Variants in ADARB2 observed in about 807,000 individuals in gnomAD.
ADARB2 encodes adenosine deaminase RNA specific B2 (inactive), also known as inactive double-stranded RNA-specific editase B2.
ADARB2 carries 25 observed loss-of-function variants against 62.2 expected under a neutral mutation model. The observed-to-expected ratio is 0.40, with a 90% CI of 0.29 to 0.56. The LOEUF (loss-of-function observed/expected upper bound fraction) is 0.56. Ranked by LOEUF, ADARB2 falls within the 20% of genes least tolerant of loss-of-function variation. The probability of loss-of-function intolerance (pLI) is 0.43; values close to 1 mark genes in which losing one functional copy is unlikely to be tolerated. For missense variants in ADARB2, 1,071 were observed against 1,077.4 expected (o/e 0.99, Z 0.08); for synonymous variants, 572 against 500.8 (o/e 1.14, Z -1.90).
chr10:1,563,794 C>A (rs1309144098), intron 1 of ADARB2, among the ~76,000 whole-genome samples: 1 of 119,330 alleles, frequency 8.4e-6, no homozygotes, highest in Non-Finnish European at 1.7e-5. Flanking sequence ...CCCCACCCCA[C>A]AACAGTCCTC....
At chr10:1,220,147 GTGATGA>G (rs539102967) in intron 6 of ADARB2, among the ~76,000 whole-genome samples, 1 of 137,158 alleles carries the variant, frequency 7.3e-6, no homozygotes, top group African/African-American at 2.8e-5. Flanking sequence ...GATGGCAATG[GTGATGA>G]TGGTGATGGT....
chr10:1,699,616 C>A (rs1834797338), intron 1 of ADARB2, among the ~76,000 whole-genome samples: 2 of 134,906 alleles, frequency 1.5e-5, no homozygotes, highest in East Asian at 2.3e-4. Flanking sequence ...AGGCGCTCGC[C>A]AATACACTCA....
At chr10:1,282,983 A>G (rs1831383082) in intron 3 of ADARB2, among the ~76,000 whole-genome samples, 1 of 152,190 alleles carries the variant, frequency 6.6e-6, no homozygotes, top group Non-Finnish European at 1.5e-5. Flanking sequence ...CAGAAGCTCT[A>G]CAGAGGCTCC....
intron 1 of ADARB2, among the ~76,000 whole-genome samples, chr10:1,385,045 G>A (rs770381462): frequency 3.3e-5 from 5 of 152,164 alleles, no homozygotes; most frequent in African/African-American, 7.2e-5. Context: ...AAGAACTGCC[G>A]TGAACATGCG....
intron 1 of ADARB2, among the ~76,000 whole-genome samples, chr10:1,484,072 T>A (rs1311929788): frequency 6.6e-6 from 1 of 152,236 alleles, no homozygotes; most frequent in Non-Finnish European, 1.5e-5. Flanking sequence ...TTGTTCTTGA[T>A]GTGACGTCTT....
chr10:1,327,390 C>T (rs1831875350), intron 3 of ADARB2, among the ~76,000 whole-genome samples: 1 of 79,064 alleles, frequency 1.3e-5, no homozygotes, highest in Non-Finnish European at 2.7e-5. Context: ...ACAGCGCCTC[C>T]CCACTGCACA....
chr10:1,630,152 G>C (rs745524650), intron 1 of ADARB2, among the ~76,000 whole-genome samples: 3 of 152,182 alleles, frequency 2.0e-5, no homozygotes, highest in Non-Finnish European at 4.4e-5. Flanking sequence ...AGAAATAGGA[G>C]ATAATTATTT....
chr10:1,603,111 C>T (rs1833446417), intron 1 of ADARB2, among the ~76,000 whole-genome samples: 1 of 148,616 alleles, frequency 6.7e-6, no homozygotes, highest in Admixed American at 6.7e-5. Flanking sequence ...ACACACACAC[C>T]TATACACACA....
At chr10:1,242,995 G>A (rs1318997817) in intron 4 of ADARB2, among the ~76,000 whole-genome samples, 4 of 152,222 alleles carry the variant, frequency 2.6e-5, no homozygotes, top group Non-Finnish European at 5.9e-5. Flanking sequence ...ACAAGCCAAT[G>A]TTTGCTGTGC....
chr10:1,619,301 AAAAAAAAG>A (rs375769712), intron 1 of ADARB2, among the ~76,000 whole-genome samples: 16,145 of 145,806 alleles, frequency 0.11, 797 homozygotes, highest in East Asian at 0.17. Flanking sequence ...AAAAAAAAAA[AAAAAAAAG>A]AAAAAATACG....
chr10:1,179,343 A>AAGTC lies in ADARB2; in HGVS notation c.*3846_*3849dup, dbSNP rs1443000356. 1 of 152,274 alleles carries AAGTC rather than the reference A, an allele frequency of 6.6e-6. No individual in the cohort carries two copies. Among genetic ancestry groups the AAGTC allele is most frequent in the Admixed American group, 6.5e-5 (1 of 15,286 alleles). The allele number at this position is 152,274 out of a possible 1,614,324, so 9.4% of individuals were successfully genotyped here. A position where few individuals can be genotyped will look rare whatever the true frequency, so the allele number is the denominator to read the frequency against. On this transcript the variant is annotated 3_prime_UTR_variant, in exon 10 of 10. Transcript: ENST00000381312. The stretch of plus-strand genomic sequence containing the variant: ...TTTCTGAGGAACAGGACTCATCACA[A>AAGTC]AGTCAGCATGGTGTGATAGATATAT...
intron 1 of ADARB2, among the ~76,000 whole-genome samples, chr10:1,569,854 G>T (rs1832911906): frequency 6.6e-6 from 1 of 152,012 alleles, no homozygotes; most frequent in Non-Finnish European, 1.5e-5. Flanking sequence ...GGCAGCATTT[G>T]GCACTGCTTG....
At chr10:1,262,019 A>G (rs2131791293) in intron 4 of ADARB2, among the ~76,000 whole-genome samples, 1 of 148,222 alleles carries the variant, frequency 6.7e-6, no homozygotes, top group Non-Finnish European at 1.5e-5. Context: ...GGAAATCATC[A>G]TTCTCAGTAA....
intron 3 of ADARB2, among the ~76,000 whole-genome samples, chr10:1,345,539 C>T (rs1832073238): frequency 6.6e-6 from 1 of 152,116 alleles, no homozygotes; most frequent in South Asian, 2.1e-4. Flanking sequence ...TCCTCCTGCC[C>T]TTGGGAACTG....
chr10:1,609,400 A>C lies in ADARB2; in HGVS notation c.100+127651T>G, dbSNP rs149528930. ...GTGCCAGGAGGCTGCGTGCCTGGGA[A>C]GGCGGCACCCCCACCTGCCAGCCCT... On this transcript the variant is annotated intron_variant, in intron 1 of 9. Coordinates refer to ENST00000381312, the MANE Select transcript of ADARB2 (RefSeq NM_018702.4). 8.9e-3 allele frequency among the ~76,000 whole-genome samples: 1,357 copies of C among 152,312 alleles called. 10 individuals are homozygous for C. The highest frequency in any genetic ancestry group is 0.024 in the Middle Eastern group (7 of 294).
intron 1 of ADARB2, among the ~76,000 whole-genome samples, chr10:1,669,318 T>A (rs1834351394): frequency 6.6e-6 from 1 of 152,028 alleles, no homozygotes; most frequent in Non-Finnish European, 1.5e-5. Flanking sequence ...GGTCTCAGAG[T>A]CAGCCGATCC....
At chr10:1,588,317 A>G (rs948720360) in intron 1 of ADARB2, among the ~76,000 whole-genome samples, 4 of 152,170 alleles carry the variant, frequency 2.6e-5, no homozygotes, top group African/African-American at 7.2e-5. Context: ...TGCTATGTCA[A>G]GGTGGTTTTT....
At chr10:1,507,493 C>T (rs1380866111) in intron 1 of ADARB2, among the ~76,000 whole-genome samples, 2 of 152,224 alleles carry the variant, frequency 1.3e-5, no homozygotes, top group Non-Finnish European at 2.9e-5. Context: ...CATGGCAGTC[C>T]CTTCTGAGTG....
chr10:1,560,693 C>G (rs1489950229), intron 1 of ADARB2, among the ~76,000 whole-genome samples: 1 of 145,776 alleles, frequency 6.9e-6, no homozygotes, highest in Non-Finnish European at 1.6e-5. Flanking sequence ...GCAGAAAAAG[C>G]CACACTCTCG....
Sources: gnomAD v4.1 joint callset for allele counts (sites outside exome capture counted in the v4.1 genomes callset) on GRCh38, gnomAD v4.1.1 for gene constraint, MANE v1.5 for transcripts, NCBI Gene and HGNC (gene_info 2026-07-23, HGNC 2026-07-21) for gene names.